Variants in TENT5C observed in about 807,000 individuals in gnomAD.
TENT5C encodes family with sequence similarity 46 member C.
In TENT5C, 5 loss-of-function variants were observed where a neutral mutation model predicts 22.2. That is an observed-to-expected ratio of 0.22 (90% CI 0.12 to 0.47). The LOEUF is 0.47. TENT5C is among the 20% of genes least tolerant of loss of function. The pLI, the probability that TENT5C is intolerant of heterozygous loss-of-function variation, is 0.99. For missense variants in TENT5C, 364 were observed against 500.9 expected, an observed-to-expected ratio of 0.73 and a Z score of 2.61; for synonymous variants, 199 against 195.4, an observed-to-expected ratio of 1.02 and a Z score of -0.15.
chr1:117,610,016 G>A (rs1362292803), intron 1 of TENT5C, among the ~76,000 whole-genome samples: 2 of 152,238 alleles, frequency 1.3e-5, no homozygotes, highest in East Asian at 3.9e-4. Context: ...TTAAGCACTT[G>A]CCATCCTTCC....
intron 1 of TENT5C, among the ~76,000 whole-genome samples, chr1:117,618,955 C>T: frequency 6.6e-6 from 1 of 152,182 alleles, no homozygotes; most frequent in East Asian, 1.9e-4. Context: ...ACAGAAAGAA[C>T]AGCTGTCTTG....
At chr1:117,610,605 G>A (rs2101073045) in intron 1 of TENT5C, among the ~76,000 whole-genome samples, 1 of 152,318 alleles carries the variant, frequency 6.6e-6, no homozygotes, top group Middle Eastern at 3.4e-3. Flanking sequence ...TCTGCTCACT[G>A]CAACCTCCAC....
At position 117,628,063 on chromosome 1, in the gene TENT5C, A is replaced by T. The variant is rs575186177; in HGVS notation, c.*4019A>T. The T allele has an allele frequency of 2.0e-5, 5 of 247,974 alleles. No individual in the cohort carries two copies. Among genetic ancestry groups the T allele is most frequent in the South Asian group, 3.6e-4 (2 of 5,524 alleles). 15.4% of individuals were successfully genotyped at this position (247,974 alleles called of 1,614,324 possible). ...TAAATACAGATCTGTGGGTGTTTTT[A>T]AAAAAACTCAACCTATCTGGTGTTT... is the stretch of plus-strand genomic sequence containing the variant. On this transcript the variant is annotated 3_prime_UTR_variant, in exon 2 of 2. Coordinates refer to ENST00000369448, the MANE Select transcript of TENT5C (RefSeq NM_017709.4).
rs751943358 is a variant in TENT5C, at chr1:117,623,151, T to C, written c.283T>C (p.Phe95Leu). 3.1e-6 allele frequency: 5 copies of C among 1,614,084 alleles called. No individual in the cohort carries two copies. Among genetic ancestry groups the C allele is most frequent in the Middle Eastern group, 3.3e-4 (2 of 6,084 alleles). The change falls in exon 2 of 2, where the codon TTC becomes CTC. Residue 95 changes from phenylalanine to leucine, a missense_variant. This residue lies in a region of TENT5C where 303 missense variants were observed against 394.5 expected (regional missense o/e 0.77). Coordinates refer to ENST00000369448, the MANE Select transcript of TENT5C (RefSeq NM_017709.4). The part of the protein sequence containing the change: ...GLGCKDLDLI[F>L]HVALPTEAEF... ...GGGCTGCAAAGACCTGGACCTAATC[T>C]TCCATGTGGCTCTTCCAACAGAGGC... is the stretch of plus-strand genomic sequence containing the variant.
chr1:117,613,421 T>G (rs1653709294), intron 1 of TENT5C, among the ~76,000 whole-genome samples: 1 of 152,230 alleles, frequency 6.6e-6, no homozygotes, highest in South Asian at 2.1e-4. Context: ...ACAGCATTAG[T>G]TCTTCCAGCG....
intron 1 of TENT5C, among the ~76,000 whole-genome samples, chr1:117,622,591 G>GA (rs936511421): frequency 2.0e-5 from 3 of 146,776 alleles, no homozygotes; most frequent in Non-Finnish European, 4.5e-5. Flanking sequence ...CCCTTACCCA[G>GA]AAAAAACAAA....
Position 117,624,690 on chromosome 1 carries a change from G to A in TENT5C, c.*646G>A, listed in dbSNP as rs1192021672. 1.2e-5 allele frequency: 3 copies of A among 247,824 alleles called. No homozygotes were observed. The highest frequency in any genetic ancestry group is 1.1e-4 in the Admixed American group (2 of 17,770). 15.4% of individuals were successfully genotyped at this position (247,824 alleles called of 1,614,324 possible). ...GAAAGTGGTTTATGGTTTACATGCTGTACTATCCTGAGGAATTGCGAGATA... is the reference window on the plus strand; with the variant it reads ...GAAAGTGGTTTATGGTTTACATGCTATACTATCCTGAGGAATTGCGAGATA... On this transcript the variant is annotated 3_prime_UTR_variant, in exon 2 of 2. Transcript: ENST00000369448.
At chr1:117,614,913 G>A (rs1160017554) in intron 1 of TENT5C, among the ~76,000 whole-genome samples, 1 of 152,132 alleles carries the variant, frequency 6.6e-6, no homozygotes, top group African/African-American at 2.4e-5. Context: ...GTTCTGCAAC[G>A]TAGCAAGCAT....
chr1:117,618,807 A>G (rs1187733871), intron 1 of TENT5C, among the ~76,000 whole-genome samples: 1 of 152,214 alleles, frequency 6.6e-6, no homozygotes, highest in Non-Finnish European at 1.5e-5. Flanking sequence ...TTTGGTACAG[A>G]CTAAAACTAC....
chr1:117,622,697 G>A (rs920532169), intron 1 of TENT5C, 145 bp from the exon 2 acceptor site: 30 of 609,462 alleles, frequency 4.9e-5, no homozygotes, highest in Non-Finnish European at 8.2e-5. Flanking sequence ...TTAACTCATT[G>A]AGTCCTCATG....
Position 117,624,069 on chromosome 1 carries a change from G to T in TENT5C, c.*25G>T. 1.3e-6 allele frequency: 2 copies of T among 1,584,306 alleles called. No homozygotes were observed. Among genetic ancestry groups the T allele is most frequent in the Non-Finnish European group, 1.7e-6 (2 of 1,162,476 alleles). ...ACCTTGAGACCTGAGGGTTTCCACA[G>T]TGGGAACCCCAATAGGGCTAGGGCT... On this transcript the variant is annotated 3_prime_UTR_variant, in exon 2 of 2. Coordinates refer to ENST00000369448, the MANE Select transcript of TENT5C (RefSeq NM_017709.4).
At chr1:117,614,861 TTC>T (rs1208817990) in intron 1 of TENT5C, among the ~76,000 whole-genome samples, 3 of 152,146 alleles carry the variant, frequency 2.0e-5, no homozygotes, top group Non-Finnish European at 4.4e-5. Flanking sequence ...CACTCTTGGG[TTC>T]TCTCTCTCTT....
In TENT5C at chr1:117,623,999, A is replaced by G; in HGVS notation, c.1131A>G (p.Pro377=). ...GCAACTACTACGTTGCCCATCCTCC[A>G]GTCACCTACAGCCAGCCTTACCCTA... ...NFSNYYVAHP[P]VTYSQPYPTW... The change falls in exon 2 of 2, where the codon CCA becomes CCG. Residue 377 remains proline, a synonymous_variant. Coordinates refer to ENST00000369448, the MANE Select transcript of TENT5C (RefSeq NM_017709.4). The G allele has an allele frequency of 6.2e-7, 1 of 1,613,970 alleles. No individual in the cohort carries two copies.
At chr1:117,613,765 C>T (rs556542558) in intron 1 of TENT5C, among the ~76,000 whole-genome samples, 4 of 152,220 alleles carry the variant, frequency 2.6e-5, no homozygotes, top group East Asian at 3.9e-4. Context: ...TAGAATGAGA[C>T]GCTGGCTGAA....
chr1:117,623,934 T>TA lies in TENT5C; in HGVS notation c.1067dup (p.Tyr356Ter). Reference sequence around the variant, plus strand: ...CCCCAGTGCCACCAACGTCACCTGTTACTACCAGCCGGCCCCTTACGTCAG... The same window carrying TA: ...CCCCAGTGCCACCAACGTCACCTGTTAACTACCAGCCGGCCCCTTACGTCAG... ...IIPSATNVTCYYQPAPYVSDG... is the reference protein window; with the variant it reads ...IIPSATNVTC The change falls in exon 2 of 2, where the codon TAC becomes TAAC. Residue 356 changes from tyrosine (Y) to a stop codon, truncating the protein, a stop_gained and frameshift_variant. Transcript: ENST00000369448. LOFTEE classifies it high-confidence loss of function. 1.2e-6 allele frequency: 2 copies of TA among 1,614,106 alleles called. No homozygotes were observed. The highest frequency in any genetic ancestry group is 1.7e-6 in the Non-Finnish European group (2 of 1,180,022).
intron 1 of TENT5C, among the ~76,000 whole-genome samples, chr1:117,607,106 A>G (rs979633549): frequency 2.6e-5 from 4 of 152,126 alleles, no homozygotes; most frequent in Non-Finnish European, 4.4e-5. Flanking sequence ...CCTGAAGAAT[A>G]CAGGTTGGTA....
chr1:117,623,098 G>C lies in TENT5C; in HGVS notation c.230G>C (p.Gly77Ala). 6.2e-7 allele frequency: 1 copy of C among 1,614,228 alleles called. No homozygotes were observed. Among genetic ancestry groups the C allele is most frequent in the South Asian group, 1.1e-5 (1 of 91,084 alleles). Residue 77 changes from glycine (G) to alanine (A), a missense_variant, in exon 2 of 2, where the codon GGC becomes GCC. Transcript: ENST00000369448. ...HDVRLNGSAA[G>A]HVLVKDNGLG... Reference sequence around the variant, plus strand: ...GTCCGGCTGAATGGCTCCGCAGCTGGCCACGTTTTGGTCAAAGACAATGGC... The same window carrying C: ...GTCCGGCTGAATGGCTCCGCAGCTGCCCACGTTTTGGTCAAAGACAATGGC...
intron 1 of TENT5C, among the ~76,000 whole-genome samples, chr1:117,606,739 T>C (rs1417077561): frequency 6.6e-6 from 1 of 152,074 alleles, no homozygotes; most frequent in Non-Finnish European, 1.5e-5. Context: ...GGAGGGGCGC[T>C]TCCTAGGCTC....
chr1:117,615,155 G>T (rs1653754571), intron 1 of TENT5C, among the ~76,000 whole-genome samples: 1 of 152,174 alleles, frequency 6.6e-6, no homozygotes, highest in East Asian at 1.9e-4. Flanking sequence ...GGCCTTAGCG[G>T]TCTAGCCAAA....
Sources: gnomAD v4.1 joint callset for allele counts (sites outside exome capture counted in the v4.1 genomes callset) on GRCh38, gnomAD v4.1.1 for gene constraint, gnomAD v4.1.1 regional missense constraint, MANE v1.5 for transcripts, NCBI Gene and HGNC (gene_info 2026-07-23, HGNC 2026-07-21) for gene names.